The following NUP88 variants were observed in gnomAD, a reference collection of about 807,000 sequenced individuals.
NUP88 encodes nucleoporin 88, also known as nuclear pore complex protein Nup88.
A neutral mutation model predicts 93.9 loss-of-function variants in NUP88; 57 were observed. That is an observed-to-expected ratio of 0.61 (90% CI 0.49 to 0.76). The LOEUF (loss-of-function observed/expected upper bound fraction) is 0.76. Ranked by LOEUF, NUP88 falls within the 30% of genes least tolerant of loss-of-function variation. The pLI, the probability that NUP88 is intolerant of heterozygous loss-of-function variation, is 0.00. For missense variants in NUP88, 911 were observed against 901.0 expected (o/e 1.01, Z -0.14); for synonymous variants, 346 against 336.8 (o/e 1.03, Z -0.30).
chr17:5,415,759 C>T (rs1176299883), intron 2 of NUP88, among the ~76,000 whole-genome samples: 1 of 152,042 alleles, frequency 6.6e-6, no homozygotes, highest in African/African-American at 2.4e-5. Context: ...CTGGGTTTAT[C>T]GGGACATAAC....
chr17:5,401,942 A>G (rs1913194721), intron 7 of NUP88, among the ~76,000 whole-genome samples: 2 of 152,006 alleles, frequency 1.3e-5, no homozygotes, highest in African/African-American at 4.8e-5. Flanking sequence ...CTCAGTGATT[A>G]TAATATGCCT....
At chr17:5,407,371 T>C (rs760810356) in intron 5 of NUP88, among the ~76,000 whole-genome samples, 9 of 152,344 alleles carry the variant, frequency 5.9e-5, no homozygotes, top group Non-Finnish European at 1.2e-4. Flanking sequence ...CACTGTACTA[T>C]AGTTACTGGT....
At chr17:5,405,271 G>A in intron 5 of NUP88, 28 bp from the exon 6 acceptor site, 1 of 1,597,544 alleles carries the variant, frequency 6.3e-7, no homozygotes, top group Non-Finnish European at 8.6e-7. Flanking sequence ...ACATATTTGG[G>A]AAATGTTGAC....
At position 5,397,165 on chromosome 17, in the gene NUP88, C is replaced by T. The variant is rs374966678; in HGVS notation, c.1292-2184G>A. ...GACCAGCCTGGGCAACACGGTAAAA[C>T]CCCATCTCTACAAAAAACACAAAAA... On this transcript the variant is annotated intron_variant, in intron 8 of 16. Coordinates refer to ENST00000573584, the MANE Select transcript of NUP88 (RefSeq NM_002532.6). Among the ~76,000 whole-genome samples the T allele has an allele frequency of 3.9e-5, 6 of 152,168 alleles. No homozygotes were observed. The South Asian group carries it at 1.0e-3, about 26-fold the overall frequency.
At position 5,385,915 on chromosome 17, in the gene NUP88, C is replaced by T. The variant is rs1208226119; in HGVS notation, c.*291G>A. On this transcript the variant is annotated 3_prime_UTR_variant, in exon 17 of 17. Transcript: ENST00000573584. The stretch of plus-strand genomic sequence containing the variant: ...ACAGCTCACAAGAATAACTAACTTG[C>T]TCAAATATGGAGAAAACTCAATAGG... The T allele has an allele frequency of 5.8e-6, 2 of 342,170 alleles. No individual in the cohort carries two copies. Among genetic ancestry groups the T allele is most frequent in the Non-Finnish European group, 1.0e-5 (2 of 191,488 alleles). The allele number at this position is 342,170 out of a possible 1,614,324, so 21.2% of individuals were successfully genotyped here. A position where few individuals can be genotyped will look rare whatever the true frequency, so the allele number is the denominator to read the frequency against.
intron 1 of NUP88, among the ~76,000 whole-genome samples, chr17:5,417,447 AAC>A (rs1399202063): frequency 1.3e-5 from 2 of 152,188 alleles, no homozygotes; most frequent in Non-Finnish European, 2.9e-5. Flanking sequence ...CAGCCTGGGC[AAC>A]AGAGAAAGAC....
intron 6 of NUP88, among the ~76,000 whole-genome samples, chr17:5,404,458 C>T (rs1913367133): frequency 6.6e-6 from 1 of 151,850 alleles, no homozygotes; most frequent in South Asian, 2.1e-4. Context: ...ACTAAAAGTA[C>T]AAGAAATCAG....
chr17:5,408,844 A>G lies in NUP88; in HGVS notation c.746T>C (p.Val249Ala). The G allele has an allele frequency of 6.2e-7, 1 of 1,613,902 alleles. No individual in the cohort carries two copies. The highest frequency in any genetic ancestry group is 1.3e-5 in the African/African-American group (1 of 75,032). The change falls in exon 5 of 17, where the codon GTC becomes GCC. Residue 249 changes from valine to alanine, a missense_variant. Transcript: ENST00000573584. ...VAFDFGPLAA[V>A]PKTLFGQNGK... ...GTTTTGTCCAAATAGAGTCTTTGGG[A>G]CTGCTGCCAATGGCCCAAAGTCAAA...
chr17:5,419,582 C>T lies in NUP88; in HGVS notation c.69G>A (p.Val23=), dbSNP rs142688864. 3.7e-6 allele frequency: 6 copies of T among 1,608,556 alleles called. No individual in the cohort carries two copies. In the African/African-American group the frequency reaches 8.0e-5, roughly 21 times the overall value. Residue 23 remains valine, a synonymous_variant, in exon 1 of 17, where the codon GTG becomes GTA. Transcript: ENST00000573584. ...TCAGTCCCTCCCGGAGCCGCAAGAACACGACGTGGTTAGGAAGCCAGGTCT... is the reference window on the plus strand; with the variant it reads ...TCAGTCCCTCCCGGAGCCGCAAGAATACGACGTGGTTAGGAAGCCAGGTCT... The part of the protein sequence containing the change: ...LWQTWLPNHV[V]FLRLREGLKN...
rs574961774 is a variant in NUP88 at position 5,405,372 on chromosome 17, C to T, written c.858-129G>A. On this transcript the variant is annotated intron_variant, in intron 5 of 16. Transcript: ENST00000573584. ...TTATAAATGTAGTGTATTCCCAATA[C>T]TCCATCTTCTCGCTTTCCCACTCAG... is the stretch of plus-strand genomic sequence containing the variant. 7.5e-4 allele frequency: 533 copies of T among 708,470 alleles called. 5 individuals carry two copies. The South Asian group carries it at 0.011, about 15-fold the overall frequency. 43.9% of individuals were successfully genotyped at this position (708,470 alleles called of 1,614,324 possible). A position where few individuals can be genotyped will look rare whatever the true frequency, so the allele number is the denominator to read the frequency against.
chr17:5,395,842 T>A (rs1300955132), intron 8 of NUP88, among the ~76,000 whole-genome samples: 1 of 152,134 alleles, frequency 6.6e-6, no homozygotes. Flanking sequence ...GAAACGTAAT[T>A]CACAGTACCA....
In NUP88 at chr17:5,417,714, C is replaced by A. The variant is rs557767950; in HGVS notation, c.298-1032G>T. On this transcript the variant is annotated intron_variant, in intron 1 of 16. Coordinates refer to ENST00000573584, the MANE Select transcript of NUP88 (RefSeq NM_002532.6). ...AGTAGCCGGGTACGGTGGAGTGGGC[C>A]TGTAATCCCAACTACTCAAGAGGCT... Among the ~76,000 whole-genome samples, 19 of 151,954 alleles carry A rather than the reference C, an allele frequency of 1.3e-4. No homozygotes were observed. In the East Asian group the frequency reaches 3.7e-3, roughly 30 times the overall value.
rs769723943 is a variant in NUP88 at position 5,419,638 on chromosome 17, C to T, written c.13G>A (p.Glu5Lys). The change falls in exon 1 of 17, where the codon GAG (glutamate) becomes AAG (lysine). Residue 5 changes from glutamate to lysine, a missense_variant. By Grantham distance (56) the Glu-to-Lys change is moderately conservative. Transcript: ENST00000573584. MAAA[E>K]GPVGDGELWQ... ...AGCTCGCCGTCGCCCACCGGTCCCT[C>T]GGCGGCCGCCATCTTGGCCCAACTG... The T allele has an allele frequency of 2.5e-6, 4 of 1,589,672 alleles. No individual in the cohort carries two copies.
chr17:5,390,361 T>C (rs1361268276), intron 10 of NUP88, among the ~76,000 whole-genome samples: 1 of 152,154 alleles, frequency 6.6e-6, no homozygotes, highest in African/African-American at 2.4e-5. Flanking sequence ...CTTGCTAGCT[T>C]TTAGTGCCTT....
intron 6 of NUP88, 33 bp from the exon 7 acceptor site, chr17:5,404,279 C>CA: frequency 1.9e-6 from 3 of 1,608,348 alleles, no homozygotes; most frequent in Non-Finnish European, 2.6e-6. Flanking sequence ...TTTGATCTTG[C>CA]ATGTTAATTT....
At chr17:5,410,894 T>C in intron 3 of NUP88, 105 bp from the exon 4 acceptor site, 1 of 720,394 alleles carries the variant, frequency 1.4e-6, no homozygotes, top group Non-Finnish European at 2.4e-6. Flanking sequence ...TTTCTAACAC[T>C]TATCACAACT....
At chr17:5,400,358 T>C (rs931730793) in intron 7 of NUP88, among the ~76,000 whole-genome samples, 4 of 151,794 alleles carry the variant, frequency 2.6e-5, no homozygotes, top group Non-Finnish European at 4.4e-5. Context: ...TAGCTGGCCG[T>C]GGTGGCATGC....
chr17:5,405,069 T>C lies in NUP88; in HGVS notation c.1032A>G (p.Glu344=). ...YHCVVLEGEE[E]DDHTSEKSWD... is the part of the protein sequence containing the mutation. ...AGCCTGCACTTACCGTGTGGTCATC[T>C]TCTTCTTCCCCTTCTAGCACGACAC... The change falls in exon 6 of 17, where the codon GAA becomes GAG. Residue 344 remains glutamate (E), a synonymous_variant. Transcript: ENST00000573584. 6.2e-7 allele frequency: 1 copy of C among 1,613,598 alleles called. No homozygotes were observed. The highest frequency in any genetic ancestry group is 8.5e-7 in the Non-Finnish European group (1 of 1,179,702).
chr17:5,389,837 A>G (rs185509866), intron 10 of NUP88, among the ~76,000 whole-genome samples: 2 of 149,898 alleles, frequency 1.3e-5, no homozygotes, highest in Admixed American at 1.3e-4. Context: ...GACAACTTGT[A>G]TTTCAGGGAG....
Sources: gnomAD v4.1 joint callset for allele counts (sites outside exome capture counted in the v4.1 genomes callset) on GRCh38, gnomAD v4.1.1 for gene constraint, MANE v1.5 for transcripts, NCBI Gene and HGNC (gene_info 2026-07-23, HGNC 2026-07-21) for gene names.